Variants in FCHSD2 observed in about 807,000 individuals in gnomAD.
FCHSD2 encodes FCH and double SH3 domains 2.
A neutral mutation model predicts 108.1 loss-of-function variants in FCHSD2; 38 were observed. That is an observed-to-expected ratio of 0.35 (90% CI 0.27 to 0.46). The LOEUF is 0.46. Ranked by LOEUF, FCHSD2 falls within the 20% of genes least tolerant of loss-of-function variation. FCHSD2 has a pLI of 1.00. For synonymous variants in FCHSD2, 279 were observed against 314.7 expected (o/e 0.89, Z 1.20); for missense variants, 751 against 897.8 (o/e 0.84, Z 2.09).
intron 2 of FCHSD2, among the ~76,000 whole-genome samples, chr11:73,131,528 C>CA (rs563570925): frequency 4.5e-3 from 675 of 150,610 alleles, no homozygotes; most frequent in Middle Eastern, 6.9e-3. Flanking sequence ...GACTTCGTCT[C>CA]AAAAAAAATA....
At chr11:73,040,373 C>T (rs1246086775) in intron 3 of FCHSD2, among the ~76,000 whole-genome samples, 1 of 152,152 alleles carries the variant, frequency 6.6e-6, no homozygotes, top group Non-Finnish European at 1.5e-5. Flanking sequence ...TCATTAAGGG[C>T]ACTATTACAA....
chr11:73,100,046 C>T (rs1001736235), intron 2 of FCHSD2, among the ~76,000 whole-genome samples: 2 of 152,178 alleles, frequency 1.3e-5, no homozygotes, highest in African/African-American at 4.8e-5. Flanking sequence ...CCCCGGAAGG[C>T]GTGTTCTTGG....
chr11:72,891,031 T>C (rs1008150233), intron 10 of FCHSD2, among the ~76,000 whole-genome samples: 2 of 152,094 alleles, frequency 1.3e-5, no homozygotes. Flanking sequence ...ACTCTCCCAC[T>C]TCAGCCTCCT....
At chr11:73,060,733 C>G (rs1316408710) in intron 3 of FCHSD2, among the ~76,000 whole-genome samples, 1 of 152,092 alleles carries the variant, frequency 6.6e-6, no homozygotes, top group Non-Finnish European at 1.5e-5. Context: ...TTCCCCTGGG[C>G]CAGAAAAGCA....
intron 3 of FCHSD2, among the ~76,000 whole-genome samples, chr11:73,057,250 A>ACCTG (rs1859047236): frequency 6.6e-6 from 1 of 152,204 alleles, no homozygotes; most frequent in African/African-American, 2.4e-5. Flanking sequence ...TCTTTAAGTG[A>ACCTG]CCGGCATAGT....
chr11:73,067,441 C>A (rs1015719975), intron 3 of FCHSD2, among the ~76,000 whole-genome samples: 1 of 151,552 alleles, frequency 6.6e-6, no homozygotes, highest in Non-Finnish European at 1.5e-5. Context: ...AACAAAACTG[C>A]GCGTTCTGCA....
chr11:72,876,745 A>G (rs1300498880), intron 12 of FCHSD2, among the ~76,000 whole-genome samples: 5 of 152,176 alleles, frequency 3.3e-5, no homozygotes, highest in African/African-American at 9.7e-5. Context: ...TGTTCTATCA[A>G]TTACTGAAAG....
At chr11:72,991,356 A>AT (rs1428067676) in intron 5 of FCHSD2, among the ~76,000 whole-genome samples, 1 of 152,210 alleles carries the variant, frequency 6.6e-6, no homozygotes, top group Non-Finnish European at 1.5e-5. Flanking sequence ...TCCCTAACTC[A>AT]TTTTATGAGG....
At chr11:73,055,968 G>T (rs1275633152) in intron 3 of FCHSD2, among the ~76,000 whole-genome samples, 2 of 152,014 alleles carry the variant, frequency 1.3e-5, no homozygotes, top group Non-Finnish European at 2.9e-5. Flanking sequence ...GAATGCCAAT[G>T]AATTTTACCC....
At chr11:73,108,103 G>A (rs945022138) in intron 2 of FCHSD2, among the ~76,000 whole-genome samples, 3 of 152,052 alleles carry the variant, frequency 2.0e-5, no homozygotes, top group East Asian at 1.9e-4. Flanking sequence ...TTGGATAAAC[G>A]CCATTTGAAC....
intron 10 of FCHSD2, among the ~76,000 whole-genome samples, chr11:72,898,682 C>T (rs1461172558): frequency 6.6e-6 from 1 of 151,526 alleles, no homozygotes; most frequent in Admixed American, 6.6e-5. Context: ...GGCTCTAATG[C>T]TTATTAGCTG....
At chr11:73,046,144 T>C (rs556223311) in intron 3 of FCHSD2, among the ~76,000 whole-genome samples, 4 of 152,060 alleles carry the variant, frequency 2.6e-5, no homozygotes, top group African/African-American at 9.6e-5. Context: ...ACACACACCA[T>C]GATGCCATGC....
rs1480625010 is a variant in FCHSD2, at chr11:73,000,593, A to G, written c.387+397T>C. Among the ~76,000 whole-genome samples, 6 of 152,332 alleles carry G rather than the reference A, an allele frequency of 3.9e-5. No individual in the cohort carries two copies. The South Asian group carries it at 8.3e-4, about 21-fold the overall frequency. ...GTTAATTTCCTTTAAATTATTATAC[A>G]AAATGGGTCAAGTTGAAAGTAAGAC... On this transcript the variant is annotated intron_variant, in intron 5 of 19. Transcript: ENST00000409418.
intron 8 of FCHSD2, among the ~76,000 whole-genome samples, chr11:72,932,264 A>T (rs1001860789): frequency 2.6e-5 from 4 of 152,120 alleles, no homozygotes; most frequent in Non-Finnish European, 5.9e-5. Context: ...TTATTGCAGC[A>T]ATCTTCTGTT....
At chr11:72,889,302 CTTATA>C (rs1325723648) in intron 11 of FCHSD2, among the ~76,000 whole-genome samples, 3 of 152,156 alleles carry the variant, frequency 2.0e-5, no homozygotes, top group African/African-American at 7.2e-5. Context: ...GGGATGAAAA[CTTATA>C]TTAATTCAAC....
intron 2 of FCHSD2, among the ~76,000 whole-genome samples, chr11:73,086,235 T>C (rs536531555): frequency 1.3e-5 from 2 of 152,056 alleles, no homozygotes; most frequent in African/African-American, 2.4e-5. Context: ...ATGGCAAAAC[T>C]CCGTCTCTAC....
intron 2 of FCHSD2, among the ~76,000 whole-genome samples, chr11:73,093,107 A>G (rs1179129858): frequency 6.6e-6 from 1 of 152,172 alleles, no homozygotes; most frequent in Non-Finnish European, 1.5e-5. Context: ...ACTGCATACC[A>G]AGACTCAGGT....
intron 3 of FCHSD2, among the ~76,000 whole-genome samples, chr11:73,034,522 T>C (rs1255452217): frequency 6.6e-6 from 1 of 152,160 alleles, no homozygotes; most frequent in South Asian, 2.1e-4. Context: ...ACCAAGGAAA[T>C]AGAGATCAAA....
intron 8 of FCHSD2, among the ~76,000 whole-genome samples, chr11:72,950,159 A>T (rs1358059101): frequency 6.6e-6 from 1 of 152,222 alleles, no homozygotes. Context: ...AAAAAAGTCT[A>T]TTAAAATCCT....
Sources: gnomAD v4.1 joint callset for allele counts (sites outside exome capture counted in the v4.1 genomes callset) on GRCh38, gnomAD v4.1.1 for gene constraint, MANE v1.5 for transcripts, NCBI Gene and HGNC (gene_info 2026-07-23, HGNC 2026-07-21) for gene names.